LYPD6: variants seen among roughly 807,000 people sequenced by gnomAD.
LYPD6 encodes LY6/PLAUR domain containing 6.
A neutral mutation model predicts 22.7 loss-of-function variants in LYPD6; 15 were observed. The ratio of observed to expected loss-of-function variants is 0.66; its 90% confidence interval spans 0.44 to 1.02. The LOEUF is 1.02. Among genes scored for constraint, LYPD6 ranks in the 50% least tolerant of loss-of-function variants. The probability of loss-of-function intolerance (pLI) is 0.00; values close to 1 mark genes in which losing one functional copy is unlikely to be tolerated. For synonymous variants in LYPD6, 72 were observed against 77.5 expected (o/e 0.93, Z 0.37); for missense variants, 189 against 208.4 (o/e 0.91, Z 0.57).
chr2:149,456,238 T>C (rs553778538), intron 3 of LYPD6, among the ~76,000 whole-genome samples: 1 of 152,370 alleles, frequency 6.6e-6, no homozygotes, highest in African/African-American at 2.4e-5. Flanking sequence ...CTATTTTCTT[T>C]CATCTTGGGC....
At chr2:149,381,361 T>C (rs1371934747) in intron 1 of LYPD6, among the ~76,000 whole-genome samples, 1 of 152,074 alleles carries the variant, frequency 6.6e-6, no homozygotes, top group African/African-American at 2.4e-5. Flanking sequence ...ATTGGGTTGC[T>C]GAGTAGGGAG....
intron 3 of LYPD6, among the ~76,000 whole-genome samples, chr2:149,455,578 A>C (rs952565851): frequency 1.3e-5 from 2 of 152,138 alleles, no homozygotes; most frequent in Admixed American, 6.6e-5. Flanking sequence ...TTTTAACCTT[A>C]AGTCCTATCA....
Position 149,473,555 on chromosome 2 carries a change from A to G in LYPD6, c.*2705A>G, listed in dbSNP as rs1197567765. On this transcript the variant is annotated 3_prime_UTR_variant, in exon 5 of 5. Transcript: ENST00000334166. ...GACTCTCCACAGCATTCATGTCAAT[A>G]TGGGATTAATGCCTAAACTTTGTAA... is the stretch of plus-strand genomic sequence containing the variant. 6.6e-6 allele frequency: 1 copy of G among 152,394 alleles called. No homozygotes were observed. The highest frequency in any genetic ancestry group is 2.4e-5 in the African/African-American group (1 of 41,462). 9.4% of individuals were successfully genotyped at this position (152,394 alleles called of 1,614,324 possible).
chr2:149,369,757 T>G (rs1309615299), intron 1 of LYPD6, among the ~76,000 whole-genome samples: 1 of 152,050 alleles, frequency 6.6e-6, no homozygotes, highest in African/African-American at 2.4e-5. Flanking sequence ...ACAGAAGGAT[T>G]GAATTCAGGA....
intron 1 of LYPD6, among the ~76,000 whole-genome samples, chr2:149,383,053 T>C (rs956855121): frequency 2.6e-5 from 4 of 152,156 alleles, no homozygotes; most frequent in African/African-American, 9.6e-5. Context: ...TTTATTGTGG[T>C]GAAATATATA....
chr2:149,478,405 CA>C (rs1558822903), downstream of LYPD6, among the ~76,000 whole-genome samples: 42 of 119,516 alleles, frequency 3.5e-4, 1 homozygote, highest in Admixed American at 2.7e-4. Flanking sequence ...TGTGTGCGCG[CA>C]CGCATGTGTG....
chr2:149,400,256 T>TA (rs763952485), intron 1 of LYPD6, among the ~76,000 whole-genome samples: 11 of 152,230 alleles, frequency 7.2e-5, no homozygotes, highest in Non-Finnish European at 1.6e-4. Flanking sequence ...ACCCAGCTCT[T>TA]ACCATTCTTA....
chr2:149,335,255 C>T (rs538217591), intron 1 of LYPD6, among the ~76,000 whole-genome samples: 5 of 151,978 alleles, frequency 3.3e-5, no homozygotes, highest in Non-Finnish European at 5.9e-5. Context: ...CCCCTGAAGA[C>T]CTTCCAGTGG....
At chr2:149,434,912 T>TA in intron 1 of LYPD6, among the ~76,000 whole-genome samples, 1 of 152,218 alleles carries the variant, frequency 6.6e-6, no homozygotes, top group South Asian at 2.1e-4. Context: ...AAATGTTACC[T>TA]AAAAAACAAA....
chr2:149,365,419 C>G (rs1245042528), intron 1 of LYPD6, among the ~76,000 whole-genome samples: 2 of 152,222 alleles, frequency 1.3e-5, no homozygotes, highest in East Asian at 1.9e-4. Context: ...CTTCTGATTT[C>G]AAGTTCAGAG....
the LYPD6 span, among the ~76,000 whole-genome samples, chr2:149,482,506 G>T: frequency 6.6e-6 from 1 of 152,202 alleles, no homozygotes; most frequent in Non-Finnish European, 1.5e-5. Flanking sequence ...CTACAAAGCA[G>T]CAGGAATCAG....
At chr2:149,458,403 T>C (rs1316509969) in intron 3 of LYPD6, among the ~76,000 whole-genome samples, 1 of 152,132 alleles carries the variant, frequency 6.6e-6, no homozygotes, top group Non-Finnish European at 1.5e-5. Flanking sequence ...GTATTGAGGC[T>C]ACAACACATC....
chr2:149,340,495 C>T (rs1681139271), intron 1 of LYPD6, among the ~76,000 whole-genome samples: 1 of 152,102 alleles, frequency 6.6e-6, no homozygotes, highest in Non-Finnish European at 1.5e-5. Context: ...GGTTGGAGGT[C>T]TGGGCTCTCC....
chr2:149,353,165 T>A (rs1419766161), intron 1 of LYPD6, among the ~76,000 whole-genome samples: 1 of 152,270 alleles, frequency 6.6e-6, no homozygotes, highest in Non-Finnish European at 1.5e-5. Context: ...GGCATTTTGT[T>A]ACTAACTTTG....
At chr2:149,345,755 T>A (rs1033664447) in intron 1 of LYPD6, among the ~76,000 whole-genome samples, 54 of 152,332 alleles carry the variant, frequency 3.5e-4, no homozygotes, top group African/African-American at 1.3e-3. Flanking sequence ...TTTGATTATG[T>A]ATATTTTAAA....
chr2:149,364,687 A>G (rs1009562027), intron 1 of LYPD6, among the ~76,000 whole-genome samples: 2 of 152,032 alleles, frequency 1.3e-5, no homozygotes, highest in Non-Finnish European at 2.9e-5. Context: ...ATTCTTAGAC[A>G]TAGAATTACT....
intron 1 of LYPD6, among the ~76,000 whole-genome samples, chr2:149,369,297 C>T (rs1489005713): frequency 6.6e-6 from 1 of 152,160 alleles, no homozygotes; most frequent in Non-Finnish European, 1.5e-5. Flanking sequence ...CCCAAAAAGT[C>T]TCCAGGAGCA....
chr2:149,443,911 T>TA (rs1348673568), intron 2 of LYPD6, among the ~76,000 whole-genome samples: 1 of 149,790 alleles, frequency 6.7e-6, no homozygotes, highest in Non-Finnish European at 1.5e-5. Context: ...GCATTATGTC[T>TA]AAAAAACAAT....
At chr2:149,353,620 C>T (rs777348786) in intron 1 of LYPD6, among the ~76,000 whole-genome samples, 1 of 152,036 alleles carries the variant, frequency 6.6e-6, no homozygotes, top group African/African-American at 2.4e-5. Flanking sequence ...TTCTGGGCAA[C>T]TCTAGAATTT....
Sources: allele counts gnomAD v4.1 joint callset (sites outside exome capture counted in the v4.1 genomes callset), GRCh38; gene constraint gnomAD v4.1.1; transcripts MANE v1.5; gene names NCBI Gene and HGNC (gene_info 2026-07-23, HGNC 2026-07-21).